Variants in ZBTB20 observed in about 807,000 individuals in gnomAD.
ZBTB20 encodes the protein zinc finger and BTB domain containing 20.
ZBTB20 carries 9 observed loss-of-function variants against 56.9 expected under a neutral mutation model. The ratio of observed to expected loss-of-function variants is 0.16; its 90% CI spans 0.10 to 0.28. The LOEUF (loss-of-function observed/expected upper bound fraction) is 0.28. Among genes scored for constraint, ZBTB20 ranks in the 10% least tolerant of loss-of-function variants. The pLI, the probability that ZBTB20 is intolerant of heterozygous loss-of-function variation, is 1.00. For synonymous variants in ZBTB20, 417 were observed against 420.7 expected, an observed-to-expected ratio of 0.99 and a Z score of 0.11; for missense variants, 655 against 1,003.0, an observed-to-expected ratio of 0.65 and a Z score of 4.69.
chr3:114,904,282 T>G (rs1264521644), intron 3 of ZBTB20: 1 of 152,072 alleles, frequency 6.6e-6, no homozygotes, highest in Non-Finnish European at 1.5e-5. Context: ...AAGCCATTAA[T>G]AAATCTACTT....
At chr3:114,735,507 A>T (rs2066084956) in intron 5 of ZBTB20, among the ~76,000 whole-genome samples, 1 of 152,120 alleles carries the variant, frequency 6.6e-6, no homozygotes, top group Admixed American at 6.6e-5. Flanking sequence ...TAAGAACAGT[A>T]TTTTTATACT....
chr3:114,857,994 C>T (rs535202001), intron 4 of ZBTB20, among the ~76,000 whole-genome samples: 4 of 152,252 alleles, frequency 2.6e-5, no homozygotes, highest in African/African-American at 9.6e-5. Flanking sequence ...GGAAGGTAGC[C>T]TTGTAAATGT....
chr3:115,035,210 C>T (rs1437910127), intron 2 of ZBTB20, among the ~76,000 whole-genome samples: 1 of 151,906 alleles, frequency 6.6e-6, no homozygotes, highest in Non-Finnish European at 1.5e-5. Context: ...ACAAAAAAGA[C>T]AAATTGAGCT....
intron 4 of ZBTB20, among the ~76,000 whole-genome samples, chr3:114,880,053 T>C (rs777517240): frequency 2.0e-4 from 30 of 152,266 alleles, no homozygotes; most frequent in Admixed American, 5.2e-4. Flanking sequence ...TGCCAGTTAA[T>C]GTACCCTGAA....
chr3:114,892,844 G>T (rs1022859400), intron 4 of ZBTB20, among the ~76,000 whole-genome samples: 2 of 152,190 alleles, frequency 1.3e-5, no homozygotes, highest in Admixed American at 6.5e-5. Context: ...CAAATTTCCA[G>T]GTTGTGATAT....
At chr3:115,067,620 C>G (rs1279156977) in intron 2 of ZBTB20, among the ~76,000 whole-genome samples, 1 of 151,858 alleles carries the variant, frequency 6.6e-6, no homozygotes, top group Admixed American at 6.6e-5. Context: ...CCCTCTGATA[C>G]AGAGAAATAA....
At chr3:114,949,986 A>AT (rs1282791085) in intron 3 of ZBTB20, among the ~76,000 whole-genome samples, 3 of 152,190 alleles carry the variant, frequency 2.0e-5, no homozygotes, top group Non-Finnish European at 4.4e-5. Flanking sequence ...GAAAATAAAC[A>AT]TATGAAAAGA....
At chr3:114,472,558 C>T (rs1453546599) in intron 7 of ZBTB20, among the ~76,000 whole-genome samples, 1 of 152,012 alleles carries the variant, frequency 6.6e-6, no homozygotes, top group Non-Finnish European at 1.5e-5. Flanking sequence ...AAATATAAAA[C>T]TTAGCCGGGC....
intron 2 of ZBTB20, among the ~76,000 whole-genome samples, chr3:114,993,342 G>A (rs973039089): frequency 6.6e-6 from 1 of 151,932 alleles, no homozygotes; most frequent in Admixed American, 6.6e-5. Flanking sequence ...CAAAGTAAAG[G>A]AGTGAGTCAT....
At chr3:114,744,834 C>G (rs2066906106) in intron 5 of ZBTB20, among the ~76,000 whole-genome samples, 1 of 151,752 alleles carries the variant, frequency 6.6e-6, no homozygotes, top group Non-Finnish European at 1.5e-5. Context: ...CTTTAAAAGG[C>G]ATTATATAGA....
At chr3:114,908,955 C>G (rs960885245) in intron 3 of ZBTB20, among the ~76,000 whole-genome samples, 28 of 151,394 alleles carry the variant, frequency 1.8e-4, no homozygotes, top group African/African-American at 5.6e-4. Flanking sequence ...ATAAAAAACT[C>G]TAACATATCT....
intron 3 of ZBTB20, among the ~76,000 whole-genome samples, chr3:114,973,579 G>T (rs2077976296): frequency 6.6e-6 from 1 of 152,158 alleles, no homozygotes; most frequent in East Asian, 1.9e-4. Flanking sequence ...TGTTTGAGGT[G>T]TGCACTGGTG....
intron 10 of ZBTB20, among the ~76,000 whole-genome samples, chr3:114,355,022 C>T (rs2081089367): frequency 1.3e-5 from 2 of 152,166 alleles, no homozygotes; most frequent in East Asian, 3.8e-4. Flanking sequence ...GCTTTTTCCA[C>T]TGCATAACAG....
intron 3 of ZBTB20, among the ~76,000 whole-genome samples, chr3:114,925,675 C>T (rs572176118): frequency 8.6e-5 from 13 of 151,796 alleles, no homozygotes; most frequent in Non-Finnish European, 1.6e-4. Context: ...TACAGGCGCC[C>T]GCCACCACAC....
intron 6 of ZBTB20, chr3:114,599,159 A>G (rs1327343046): frequency 6.6e-6 from 1 of 152,036 alleles, no homozygotes; most frequent in East Asian, 1.9e-4. Flanking sequence ...TCTCTGTGCT[A>G]TTTCATAATA....
At chr3:114,634,850 G>T (rs1218730727) in intron 6 of ZBTB20, among the ~76,000 whole-genome samples, 2 of 152,158 alleles carry the variant, frequency 1.3e-5, no homozygotes. Flanking sequence ...ACCCTCTGTT[G>T]GGTCAGTTCC....
chr3:115,041,132 A>G (rs1181468015), intron 2 of ZBTB20, among the ~76,000 whole-genome samples: 1 of 152,158 alleles, frequency 6.6e-6, no homozygotes, highest in Non-Finnish European at 1.5e-5. Flanking sequence ...TACAACTTTG[A>G]GTTCAATGGA....
rs2079515072 is a variant in ZBTB20 at position 114,337,912 on chromosome 3, T to G, written c.*1093A>C. The G allele has an allele frequency of 6.6e-6, 1 of 151,646 alleles. No individual in the cohort carries two copies. The highest frequency in any genetic ancestry group is 6.6e-5 in the Admixed American group (1 of 15,246). 9.4% of individuals were successfully genotyped at this position (151,646 alleles called of 1,614,324 possible). A position where few individuals can be genotyped will look rare whatever the true frequency, so the allele number is the denominator to read the frequency against. On this transcript the variant is annotated 3_prime_UTR_variant, in exon 12 of 12. Transcript: ENST00000675478. ...TTACTTTTAACAATTTCACTTTTTTTGTTTTTTTTTTTACACAAATACTGT... is the reference window on the plus strand; with the variant it reads ...TTACTTTTAACAATTTCACTTTTTTGGTTTTTTTTTTTACACAAATACTGT...
intron 6 of ZBTB20, among the ~76,000 whole-genome samples, chr3:114,564,673 G>A (rs1478690648): frequency 6.6e-6 from 1 of 152,108 alleles, no homozygotes; most frequent in Non-Finnish European, 1.5e-5. Context: ...GCTATCCTTA[G>A]CCAAAGAATT....
Sources: allele counts gnomAD v4.1 joint callset (sites outside exome capture counted in the v4.1 genomes callset), GRCh38; gene constraint gnomAD v4.1.1; transcripts MANE v1.5; gene names NCBI Gene and HGNC (gene_info 2026-07-23, HGNC 2026-07-21).